Variants in TSEN2 observed in about 807,000 individuals in gnomAD.
The protein encoded by TSEN2 is tRNA splicing endonuclease subunit 2, also known as tRNA-splicing endonuclease subunit Sen2.
A neutral mutation model predicts 59.2 loss-of-function variants in TSEN2; 54 were observed. The ratio of observed to expected loss-of-function variants is 0.91; its 90% CI spans 0.73 to 1.14. The LOEUF is 1.14. TSEN2 is among the 50% of genes most tolerant of loss of function. The pLI, the probability that TSEN2 is intolerant of heterozygous loss-of-function variation, is 0.00. For synonymous variants in TSEN2, 195 were observed against 198.2 expected (o/e 0.98, Z 0.14); for missense variants, 636 against 576.2 (o/e 1.10, Z -1.06).
chr3:12,495,613 G>A lies in TSEN2; in HGVS notation c.272-905G>A, dbSNP rs563816890. 2.6e-5 allele frequency among the ~76,000 whole-genome samples: 4 copies of A among 152,318 alleles called. No individual in the cohort carries two copies. The East Asian group carries it at 7.7e-4, about 29-fold the overall frequency. The stretch of plus-strand genomic sequence containing the variant: ...AGTTACTTCTTGTCACAATAATGCT[G>A]CTTAGTAAACCATCCCGAAAGGTAT... On this transcript the variant is annotated intron_variant, in intron 3 of 11. Coordinates refer to ENST00000284995, the MANE Select transcript of TSEN2 (RefSeq NM_025265.4).
intron 3 of TSEN2, among the ~76,000 whole-genome samples, chr3:12,494,044 G>A (rs918529638): frequency 6.6e-6 from 1 of 152,144 alleles, no homozygotes; most frequent in South Asian, 2.1e-4. Context: ...TTTGCCTGTG[G>A]ATATCCAGTT....
chr3:12,505,092 C>A, intron 5 of TSEN2, 62 bp from the exon 6 acceptor site: 1 of 942,822 alleles, frequency 1.1e-6, no homozygotes, highest in Non-Finnish European at 1.7e-6. Context: ...TTTTAAAATA[C>A]ATTCTCTATG....
intron 6 of TSEN2, among the ~76,000 whole-genome samples, chr3:12,512,871 A>C (rs1190014667): frequency 6.6e-6 from 1 of 152,176 alleles, no homozygotes; most frequent in East Asian, 1.9e-4. Flanking sequence ...TGTTATTGAG[A>C]TCTATTTTTC....
rs1436106429 is a variant in TSEN2, at chr3:12,517,238, GT to G, written c.960+579del. ...CCGGGCGTGTTGGCATGCGCCTGTA[GT>G]TCCAGCTAATCAAGAGGCTGAGGCA... On this transcript the variant is annotated intron_variant, in intron 7 of 11. Coordinates refer to ENST00000284995, the MANE Select transcript of TSEN2 (RefSeq NM_025265.4). Among the ~76,000 whole-genome samples the G allele has an allele frequency of 3.3e-5, 5 of 151,430 alleles. 1 individual carries two copies. The highest frequency in any genetic ancestry group is 7.4e-5 in the Non-Finnish European group (5 of 67,972).
intron 6 of TSEN2, among the ~76,000 whole-genome samples, chr3:12,509,461 A>G (rs1222762190): frequency 6.6e-6 from 1 of 152,100 alleles, no homozygotes; most frequent in East Asian, 1.9e-4. Flanking sequence ...TGGCCTCCCA[A>G]AGTGCTGAGA....
downstream of TSEN2, among the ~76,000 whole-genome samples, chr3:12,536,286 G>T (rs1379825866): frequency 6.6e-6 from 1 of 152,126 alleles, no homozygotes; most frequent in Non-Finnish European, 1.5e-5. Context: ...AGTAATGGTA[G>T]GTTTTCCTGG....
chr3:12,521,370 C>T (rs995605428), intron 8 of TSEN2, among the ~76,000 whole-genome samples: 7 of 152,288 alleles, frequency 4.6e-5, no homozygotes, highest in Non-Finnish European at 7.4e-5. Context: ...CAGATAAGCA[C>T]TGTAAGAAGA....
chr3:12,482,625 A>T (rs1026037443), upstream of TSEN2, among the ~76,000 whole-genome samples: 5 of 152,018 alleles, frequency 3.3e-5, no homozygotes, highest in African/African-American at 1.2e-4. Flanking sequence ...AGCAAACCCC[A>T]AATCCTTCCA....
At chr3:12,498,135 C>T (rs923361994) in intron 4 of TSEN2, among the ~76,000 whole-genome samples, 5 of 151,354 alleles carry the variant, frequency 3.3e-5, no homozygotes, top group Non-Finnish European at 5.9e-5. Context: ...GGTATGGGTA[C>T]ATGTGATATT....
At chr3:12,482,044 A>G (rs1269932226), upstream of TSEN2, among the ~76,000 whole-genome samples, 1 of 152,156 alleles carries the variant, frequency 6.6e-6, no homozygotes, top group African/African-American at 2.4e-5. Flanking sequence ...TTGTTTTAAA[A>G]TACTCCAGCA....
rs546904336 is a variant in TSEN2, at chr3:12,523,526, CTTTTTT to C, written c.1099+4349_1099+4354del. Reference sequence around the variant, plus strand: ...CTTCTCCTCATCTTCCTCTTTGATTCTTTTTTTTTTTTTTTTTTTTTTTTTGAGACA... The same window carrying C: ...CTTCTCCTCATCTTCCTCTTTGATTCTTTTTTTTTTTTTTTTTTTGAGACA... On this transcript the variant is annotated intron_variant, in intron 8 of 11. Coordinates refer to ENST00000284995, the MANE Select transcript of TSEN2 (RefSeq NM_025265.4). Among the ~76,000 whole-genome samples the C allele has an allele frequency of 1.3e-3, 59 of 46,482 alleles. 1 individual carries two copies. Among genetic ancestry groups the C allele is most frequent in the African/African-American group, 2.0e-3 (25 of 12,668 alleles). The allele number at this position is 46,482 out of a possible 152,430, so 30.5% of individuals were successfully genotyped here. A position where few individuals can be genotyped will look rare whatever the true frequency, so the allele number is the denominator to read the frequency against.
At chr3:12,509,598 G>T (rs926977891) in intron 6 of TSEN2, among the ~76,000 whole-genome samples, 1 of 152,168 alleles carries the variant, frequency 6.6e-6, no homozygotes, top group African/African-American at 2.4e-5. Context: ...TTGGGAAACT[G>T]ATGGGAGGTG....
chr3:12,496,508 T>C lies in TSEN2; in HGVS notation c.272-10T>C. 1 of 1,614,064 alleles carries C rather than the reference T, an allele frequency of 6.2e-7. No individual in the cohort carries two copies. The highest frequency in any genetic ancestry group is 1.7e-5 in the Admixed American group (1 of 60,026). ...ATTTGCCTGAAACTAATAGAACTTC[T>C]TTGTTCCAGATATGAAGACAAACAT... On this transcript the variant is annotated splice_polypyrimidine_tract_variant and intron_variant, in intron 3 of 11. Coordinates refer to ENST00000284995, the MANE Select transcript of TSEN2 (RefSeq NM_025265.4).
At chr3:12,506,124 A>G (rs1189292577) in intron 6 of TSEN2, among the ~76,000 whole-genome samples, 3 of 144,826 alleles carry the variant, frequency 2.1e-5, no homozygotes, top group Non-Finnish European at 4.4e-5. Flanking sequence ...TAATTCATAT[A>G]CCATACAATT....
At chr3:12,503,029 C>T (rs533960748) in intron 4 of TSEN2, among the ~76,000 whole-genome samples, 1 of 151,960 alleles carries the variant, frequency 6.6e-6, no homozygotes, top group East Asian at 1.9e-4. Flanking sequence ...CAAGATCACA[C>T]CACTGCACTC....
At chr3:12,503,823 C>G (rs972822482) in intron 5 of TSEN2, 39 bp downstream of exon 5, 4 of 1,597,066 alleles carry the variant, frequency 2.5e-6, no homozygotes, top group Non-Finnish European at 2.6e-6. Flanking sequence ...CCAAAGCCAT[C>G]CGTTCCTGGA....
chr3:12,523,168 C>T (rs767933165), intron 8 of TSEN2, among the ~76,000 whole-genome samples: 20 of 152,128 alleles, frequency 1.3e-4, no homozygotes, highest in African/African-American at 3.1e-4. Context: ...CGAAAACTAA[C>T]GCAGGATTTA....
chr3:12,529,653 G>C, intron 9 of TSEN2, 109 bp from the exon 10 acceptor site: 3 of 970,028 alleles, frequency 3.1e-6, no homozygotes, highest in Non-Finnish European at 4.7e-6. Flanking sequence ...TTTAGAATCA[G>C]ATGATGCAAA....
At chr3:12,486,050 A>T (rs77985959) in intron 1 of TSEN2, among the ~76,000 whole-genome samples, 2,443 of 152,344 alleles carry the variant, frequency 0.016, 39 homozygotes, top group South Asian at 0.059. Context: ...CATAAGTTAC[A>T]TGCAAATACT....
Sources: gnomAD v4.1 joint callset for allele counts (sites outside exome capture counted in the v4.1 genomes callset) on GRCh38, gnomAD v4.1.1 for gene constraint, MANE v1.5 for transcripts, NCBI Gene and HGNC (gene_info 2026-07-23, HGNC 2026-07-21) for gene names.